CCNY: variants seen among roughly 807,000 people sequenced by gnomAD.
CCNY encodes cyclin Y.
CCNY carries 19 observed loss-of-function variants against 42.8 expected under a neutral mutation model. That is an observed-to-expected ratio of 0.44 (90% CI 0.31 to 0.65). The LOEUF (loss-of-function observed/expected upper bound fraction) is 0.65, where lower values mean the gene tolerates loss of function less well. Ranked by LOEUF, CCNY falls within the 30% of genes least tolerant of loss-of-function variation. The pLI is 0.07. For missense variants in CCNY, 370 were observed against 437.3 expected, an observed-to-expected ratio of 0.85 and a Z score of 1.37; for synonymous variants, 165 against 162.7, an observed-to-expected ratio of 1.01 and a Z score of -0.11.
At chr10:35,568,617 C>T (rs141000913) in intron 9 of CCNY, among the ~76,000 whole-genome samples, 4 of 152,330 alleles carry the variant, frequency 2.6e-5, no homozygotes, top group Non-Finnish European at 5.9e-5. Context: ...CGCCAGCGGC[C>T]GAGCTCTCCT....
intron 1 of CCNY, among the ~76,000 whole-genome samples, chr10:35,445,800 A>C (rs1838778200): frequency 6.6e-6 from 1 of 152,210 alleles, no homozygotes; most frequent in South Asian, 2.1e-4. Flanking sequence ...TTTTATTTTG[A>C]AACAATTTCA....
At chr10:35,551,084 C>T (rs1346774729) in intron 7 of CCNY, among the ~76,000 whole-genome samples, 1 of 152,222 alleles carries the variant, frequency 6.6e-6, no homozygotes, top group East Asian at 1.9e-4. Context: ...ACACACCTAC[C>T]TAGCTGTGCA....
intron 3 of CCNY, among the ~76,000 whole-genome samples, chr10:35,319,875 G>A (rs950611742): frequency 2.0e-4 from 30 of 151,954 alleles, no homozygotes; most frequent in African/African-American, 6.8e-4. Context: ...GCTTGAACCC[G>A]GGAGGCAAAG....
At chr10:35,465,938 A>AGAGAGAGAGAGAGAGAGTGTGTGTGT in intron 1 of CCNY, among the ~76,000 whole-genome samples, 10 of 81,032 alleles carry the variant, frequency 1.2e-4, no homozygotes, top group African/African-American at 3.9e-4. Context: ...AGAGAGAGAG[A>AGAGAGAGAGAGAGAGAGTGTGTGTGT]GTGTGTGTGT....
At chr10:35,535,218 A>C (rs1433031901) in intron 7 of CCNY, among the ~76,000 whole-genome samples, 2 of 151,998 alleles carry the variant, frequency 1.3e-5, no homozygotes, top group African/African-American at 4.8e-5. Context: ...TGAGTAAAGG[A>C]GATACAGAGA....
At chr10:35,542,856 G>A (rs879583131) in intron 7 of CCNY, among the ~76,000 whole-genome samples, 4 of 152,202 alleles carry the variant, frequency 2.6e-5, no homozygotes, top group Non-Finnish European at 5.9e-5. Context: ...GACATATTCA[G>A]TTGTTCCTTC....
chr10:35,485,878 A>T (rs1357130942), intron 2 of CCNY, among the ~76,000 whole-genome samples: 2 of 152,182 alleles, frequency 1.3e-5, no homozygotes, highest in African/African-American at 4.8e-5. Flanking sequence ...CTCCTCAGAC[A>T]TCTTCATAAA....
At chr10:35,258,411 C>A (rs1297801694) in intron 3 of CCNY, among the ~76,000 whole-genome samples, 1 of 152,250 alleles carries the variant, frequency 6.6e-6, no homozygotes, top group African/African-American at 2.4e-5. Flanking sequence ...TAGTATCTGA[C>A]TCCCAAGGGG....
At chr10:35,431,401 CCTCTCTCTCTCTCTCTCT>C (rs1177072692) in intron 1 of CCNY, among the ~76,000 whole-genome samples, 1 of 3,060 alleles carries the variant, frequency 3.3e-4, no homozygotes, top group African/African-American at 9.7e-4. Flanking sequence ...CCCCTCCCCT[CCTCTCTCTCTCTCTCTCT>C]CTCTCTCTCT....
chr10:35,339,072 C>T (rs534067090), intron 1 of CCNY, among the ~76,000 whole-genome samples: 2 of 152,284 alleles, frequency 1.3e-5, no homozygotes, highest in African/African-American at 4.8e-5. Context: ...GGCAGGTTTC[C>T]AATCTAGGCT....
chr10:35,476,248 A>T (rs1295914735), intron 1 of CCNY, among the ~76,000 whole-genome samples: 1 of 152,168 alleles, frequency 6.6e-6, no homozygotes, highest in Non-Finnish European at 1.5e-5. Context: ...CAATAAGGAT[A>T]CCCAGGAATT....
rs1836034865 is a variant in CCNY at position 35,336,587 on chromosome 10, CTAGTCCCGCCGTCCG to C, written c.-466_-452del. 6.7e-6 allele frequency among the ~76,000 whole-genome samples: 1 copy of C among 148,568 alleles called. No individual in the cohort carries two copies. The highest frequency in any genetic ancestry group is 2.4e-5 in the African/African-American group (1 of 41,072). On this transcript the variant is annotated 5_prime_UTR_variant, in exon 1 of 10. Coordinates refer to ENST00000374704, the MANE Select transcript of CCNY (RefSeq NM_145012.6). ...CGCCCGCTGCCCGCCCGCTCGTCGG[CTAGTCCCGCCGTCCG>C]GCGCGGACACGCGTGCCCCCGGCTT...
At chr10:35,494,402 TA>T (rs1313716802) in intron 2 of CCNY, among the ~76,000 whole-genome samples, 3 of 152,122 alleles carry the variant, frequency 2.0e-5, no homozygotes, top group Non-Finnish European at 2.9e-5. Flanking sequence ...AAGTCTCACT[TA>T]AAAAATAAAA....
intron 1 of CCNY, among the ~76,000 whole-genome samples, chr10:35,365,306 A>G (rs1167829003): frequency 1.3e-5 from 2 of 152,258 alleles, no homozygotes; most frequent in Non-Finnish European, 2.9e-5. Context: ...ACTTGTCCTC[A>G]TGATATAAAG....
chr10:35,352,604 C>T (rs1836452175), intron 1 of CCNY, among the ~76,000 whole-genome samples: 1 of 152,224 alleles, frequency 6.6e-6, no homozygotes, highest in Non-Finnish European at 1.5e-5. Context: ...GTTCTGCCGT[C>T]CAGCCTCCCT....
intron 3 of CCNY, among the ~76,000 whole-genome samples, chr10:35,330,020 T>G (rs1835924303): frequency 6.6e-6 from 1 of 152,228 alleles, no homozygotes; most frequent in Non-Finnish European, 1.5e-5. Flanking sequence ...TTAATACAAC[T>G]CATCAACTAT....
chr10:35,490,330 C>T (rs1480221094), intron 2 of CCNY, among the ~76,000 whole-genome samples: 1 of 152,158 alleles, frequency 6.6e-6, no homozygotes, highest in African/African-American at 2.4e-5. Flanking sequence ...GTATTTTTGC[C>T]TATCACACCT....
At chr10:35,565,820 C>T (rs1401167800) in intron 8 of CCNY, among the ~76,000 whole-genome samples, 1 of 152,216 alleles carries the variant, frequency 6.6e-6, no homozygotes, top group Non-Finnish European at 1.5e-5. Context: ...TCCCAGTTAA[C>T]CAGTCCTCAT....
chr10:35,405,692 G>A (rs1433028945), intron 1 of CCNY, among the ~76,000 whole-genome samples: 3 of 152,152 alleles, frequency 2.0e-5, no homozygotes, highest in Non-Finnish European at 4.4e-5. Context: ...GAAGGGGACG[G>A]ATTTACCCTC....
Sources: allele counts gnomAD v4.1 joint callset (sites outside exome capture counted in the v4.1 genomes callset), GRCh38; gene constraint gnomAD v4.1.1; transcripts MANE v1.5; gene names NCBI Gene and HGNC (gene_info 2026-07-23, HGNC 2026-07-21).